Variants in EPN1 observed in about 807,000 individuals in gnomAD.
The protein encoded by EPN1 is epsin-1.
EPN1 carries 25 observed loss-of-function variants against 56.9 expected under a neutral mutation model. The observed-to-expected ratio is 0.44, with a 90% CI of 0.32 to 0.61. EPN1 has a LOEUF of 0.61. Among genes scored for constraint, EPN1 ranks in the 20% least tolerant of loss-of-function variants. EPN1 has a pLI of 0.05. For synonymous variants in EPN1, 411 were observed against 361.8 expected (o/e 1.14, Z -1.54); for missense variants, 785 against 823.7 (o/e 0.95, Z 0.58).
chr19:55,704,003 C>T lies in EPN1; in HGVS notation c.*8647C>T, dbSNP rs922026263. ...CTGGGCCAGCGCGCAGACTATCAAC[C>T]GAGGTATTCAGTCCCTCGGAAACCC... On this transcript the variant is annotated 3_prime_UTR_variant, in exon 11 of 11. Coordinates refer to ENST00000270460, the MANE Select transcript of EPN1 (RefSeq NM_001130072.2). 6.6e-6 allele frequency: 1 copy of T among 152,186 alleles called. No homozygotes were observed. The highest frequency in any genetic ancestry group is 2.4e-5 in the African/African-American group (1 of 41,438). 9.4% of individuals were successfully genotyped at this position (152,186 alleles called of 1,614,324 possible).
At chr19:55,681,673 T>G (rs1445437718) in intron 2 of EPN1, among the ~76,000 whole-genome samples, 2 of 152,272 alleles carry the variant, frequency 1.3e-5, no homozygotes, top group South Asian at 2.1e-4. Flanking sequence ...AAACTTTATT[T>G]CTGCATTGCA....
In EPN1 at chr19:55,691,926, C is replaced by T. The variant is rs193174793; in HGVS notation, c.935C>T (p.Ala312Val). ...PPAADPWGGPAPTPASGDPWR... is the reference protein window; with the variant it reads ...PPAADPWGGPVPTPASGDPWR... The stretch of plus-strand genomic sequence containing the variant: ...GCTGCTGATCCCTGGGGAGGTCCAG[C>T]CCCCACGCCGGCCTCTGGGGACCCC... Residue 312 changes from alanine to valine, a missense_variant, in exon 7 of 11, where the codon GCC becomes GTC. By Grantham distance (64) the Ala-to-Val change is moderately conservative. Around this residue, in one of 2 missense-constraint regions of EPN1, gnomAD observed 650 missense variants for 605.0 expected, o/e 1.07. Transcript: ENST00000270460. The surrounding 1 kb of genome is among the most constrained non-coding windows in gnomAD (Gnocchi z 5.6). The T allele has an allele frequency of 3.2e-6, 5 of 1,559,264 alleles. No individual in the cohort carries two copies. In the South Asian group the frequency reaches 3.5e-5, roughly 11 times the overall value.
intron 2 of EPN1, among the ~76,000 whole-genome samples, chr19:55,679,263 G>C (rs367962304): frequency 6.6e-6 from 1 of 152,270 alleles, no homozygotes; most frequent in Non-Finnish European, 1.5e-5. Flanking sequence ...TGTCGTGCCT[G>C]TGAGCAGGAC....
rs568982798 is a variant in EPN1 at position 55,682,947 on chromosome 19, G to A, written c.229-2449G>A. Among the ~76,000 whole-genome samples, 20 of 152,066 alleles carry A rather than the reference G, an allele frequency of 1.3e-4. No individual in the cohort carries two copies. In the South Asian group the frequency reaches 3.3e-3, roughly 25 times the overall value. On this transcript the variant is annotated intron_variant, in intron 2 of 10. Coordinates refer to ENST00000270460, the MANE Select transcript of EPN1 (RefSeq NM_001130072.2). ...AATTTTTGTATTTTTAGTAGAGATG[G>A]GGTTTCACCATATTGGCCAGGCTGG...
chr19:55,679,436 G>C (rs945639579), intron 2 of EPN1, among the ~76,000 whole-genome samples: 1 of 152,220 alleles, frequency 6.6e-6, no homozygotes, highest in African/African-American at 2.4e-5. Context: ...GCTCGTCCCT[G>C]AATCTCCCTC....
rs1424411081 is a variant in EPN1, at chr19:55,707,300, CCACT to C, written c.*11945_*11948del. On this transcript the variant is annotated 3_prime_UTR_variant, in exon 11 of 11. Transcript: ENST00000270460. Reference sequence around the variant, plus strand: ...AAGGCTGCAGTGAGCTATGATGGCACCACTGCCCTCCAGACTGAGCCAAAAAGCA... The same window carrying C: ...AAGGCTGCAGTGAGCTATGATGGCACGCCCTCCAGACTGAGCCAAAAAGCA... The C allele has an allele frequency of 6.6e-6, 1 of 152,198 alleles. No homozygotes were observed. The highest frequency in any genetic ancestry group is 1.5e-5 in the Non-Finnish European group (1 of 68,086). The allele number at this position is 152,198 out of a possible 1,614,324, so 9.4% of individuals were successfully genotyped here.
rs1233188648 is a variant in EPN1, at chr19:55,688,953, C to G, written c.562C>G (p.Leu188Val). ...GAGCAGCGGGGAGGAGGAGCTGCAG[C>G]TCCAGCTGGCCCTGGCCATGAGCAA... is the stretch of plus-strand genomic sequence containing the variant. Reference protein sequence around the residue: ...PQSSGEEELQLQLALAMSKEE... With the variant: ...PQSSGEEELQVQLALAMSKEE... Residue 188 changes from leucine (L) to valine (V), a missense_variant, in exon 4 of 11, where the codon CTC becomes GTC. By Grantham distance (32) the Leu-to-Val change is conservative (BLOSUM62 1). Coordinates refer to ENST00000270460, the MANE Select transcript of EPN1 (RefSeq NM_001130072.2). The G allele has an allele frequency of 1.2e-6, 2 of 1,600,442 alleles. No homozygotes were observed. The highest frequency in any genetic ancestry group is 1.7e-6 in the Non-Finnish European group (2 of 1,175,994).
At chr19:55,690,671 C>T (rs1986485197) in intron 6 of EPN1, among the ~76,000 whole-genome samples, 1 of 152,222 alleles carries the variant, frequency 6.6e-6, no homozygotes, top group African/African-American at 2.4e-5. Flanking sequence ...AGGACAAGCT[C>T]GTCGGGCTGG....
Position 55,694,930 on chromosome 19 carries a change from G to A in EPN1, c.1469G>A (p.Arg490Gln), listed in dbSNP as rs765609502. The change falls in exon 10 of 11, where the codon CGG becomes CAG. Residue 490 changes from arginine to glutamine, a missense_variant. By Grantham distance (43) the Arg-to-Gln change is conservative (BLOSUM62 1). Around this residue, in one of 2 missense-constraint regions of EPN1, gnomAD observed 650 missense variants for 605.0 expected, o/e 1.07. Coordinates refer to ENST00000270460, the MANE Select transcript of EPN1 (RefSeq NM_001130072.2). This position sits in a 1 kb window ranked among gnomAD's most constrained non-coding sequence, Gnocchi z 4.2. Reference sequence around the variant, plus strand: ...GTCGACCTGGACTCGCTGGTGAGCCGGCCGGGCCCCACGCCGCCTGGAGCC... The same window carrying A: ...GTCGACCTGGACTCGCTGGTGAGCCAGCCGGGCCCCACGCCGCCTGGAGCC... The part of the protein sequence containing the change: ...ALVDLDSLVS[R>Q]PGPTPPGAKA... 15 of 1,566,934 alleles carry A rather than the reference G, an allele frequency of 9.6e-6. No individual in the cohort carries two copies. The highest frequency in any genetic ancestry group is 2.4e-5 in the East Asian group (1 of 41,920).
At position 55,699,169 on chromosome 19, in the gene EPN1, T is replaced by G. The variant is rs1167345458; in HGVS notation, c.*3813T>G. On this transcript the variant is annotated 3_prime_UTR_variant, in exon 11 of 11. Transcript: ENST00000270460. ...GTGTGCTGCACGCATTAACTCGTCA[T>G]TTACATTAGGTATATCTCCTAATGC... 3.3e-5 allele frequency: 5 copies of G among 152,224 alleles called. No homozygotes were observed. The highest frequency in any genetic ancestry group is 3.3e-4 in the Admixed American group (5 of 15,276). 9.4% of individuals were successfully genotyped at this position (152,224 alleles called of 1,614,324 possible). A position where few individuals can be genotyped will look rare whatever the true frequency, so the allele number is the denominator to read the frequency against.
Position 55,694,641 on chromosome 19 carries a change from G to C in EPN1, c.1265-85G>C, listed in dbSNP as rs377238302. 6.9e-7 allele frequency: 1 copy of C among 1,442,494 alleles called. No homozygotes were observed. The highest frequency in any genetic ancestry group is 2.5e-5 in the Admixed American group (1 of 39,668). The allele number at this position is 1,442,494 out of a possible 1,614,324, so 89.4% of individuals were successfully genotyped here. The stretch of plus-strand genomic sequence containing the variant: ...CTCTGGGCACCGGGCTCTTTGAAGC[G>C]CCCCCTATGATGGCCTATACTGCTC... On this transcript the variant is annotated intron_variant, in intron 9 of 10. Coordinates refer to ENST00000270460, the MANE Select transcript of EPN1 (RefSeq NM_001130072.2). This position sits in a 1 kb window ranked among gnomAD's most constrained non-coding sequence, Gnocchi z 4.2.
In EPN1 at chr19:55,703,000, C is replaced by G. The variant is rs8104201; in HGVS notation, c.*7644C>G. The G allele has an allele frequency of 3.3e-5, 5 of 151,924 alleles. No homozygotes were observed. Among genetic ancestry groups the G allele is most frequent in the Admixed American group, 6.6e-5 (1 of 15,254 alleles). 9.4% of individuals were successfully genotyped at this position (151,924 alleles called of 1,614,324 possible). Reference sequence around the variant, plus strand: ...ATTGTTAGTAGAGACGGGGTTTCACCGTGTTAGCCAGGATGGTCTCAATCT... The same window carrying G: ...ATTGTTAGTAGAGACGGGGTTTCACGGTGTTAGCCAGGATGGTCTCAATCT... On this transcript the variant is annotated 3_prime_UTR_variant, in exon 11 of 11. Transcript: ENST00000270460.
At position 55,689,819 on chromosome 19, in the gene EPN1, C is replaced by T. The variant is rs752283913; in HGVS notation, c.679-48C>T. ...CTTCCAGGCTGAGGTGGCATCTGCC[C>T]GTGGCTCACGTTCTCATGTCTCCCT... On this transcript the variant is annotated intron_variant, in intron 5 of 10. Transcript: ENST00000270460. The surrounding 1 kb of genome is among the most constrained non-coding windows in gnomAD (Gnocchi z 5.7). 2.9e-5 allele frequency: 45 copies of T among 1,545,798 alleles called. No individual in the cohort carries two copies. Among genetic ancestry groups the T allele is most frequent in the East Asian group, 1.4e-4 (6 of 41,658 alleles).
At chr19:55,682,291 T>A (rs1487611537) in intron 2 of EPN1, among the ~76,000 whole-genome samples, 1 of 152,236 alleles carries the variant, frequency 6.6e-6, no homozygotes, top group African/African-American at 2.4e-5. Flanking sequence ...CAGCACCGTG[T>A]CTGATTTCTG....
At chr19:55,693,154 G>A (rs1048420094) in intron 9 of EPN1, 117 bp downstream of exon 9, 1 of 940,398 alleles carries the variant, frequency 1.1e-6, no homozygotes, top group South Asian at 1.6e-5. Context: ...ACTTAGGGAT[G>A]AAAAGTTCAG....
intron 2 of EPN1, among the ~76,000 whole-genome samples, chr19:55,679,544 A>G (rs1719969642): frequency 6.6e-6 from 1 of 152,136 alleles, no homozygotes; most frequent in Non-Finnish European, 1.5e-5. Context: ...GCATCTGCAG[A>G]AGGCCCGCTC....
chr19:55,692,620 T>C lies in EPN1; in HGVS notation c.1067-66T>C, dbSNP rs1235936289. The C allele has an allele frequency of 1.3e-5, 14 of 1,086,530 alleles. No individual in the cohort carries two copies. The East Asian group carries it at 3.6e-4, about 28-fold the overall frequency. The allele number at this position is 1,086,530 out of a possible 1,614,324, so 67.3% of individuals were successfully genotyped here. On this transcript the variant is annotated intron_variant, in intron 7 of 10. Coordinates refer to ENST00000270460, the MANE Select transcript of EPN1 (RefSeq NM_001130072.2). ...TGAACAGCCACAGATTTGGAGGCAA[T>C]GGTCCTCCCTAGCCATCTGGGCAGT...
chr19:55,686,175 C>T (rs1986155769), intron 3 of EPN1, among the ~76,000 whole-genome samples: 1 of 152,172 alleles, frequency 6.6e-6, no homozygotes, highest in African/African-American at 2.4e-5. Context: ...GTGACCAGCA[C>T]CGAAAACAAA....
Position 55,689,099 on chromosome 19 carries a change from C to T in EPN1, c.603+105C>T, listed in dbSNP as rs916601363. 4.9e-5 allele frequency: 69 copies of T among 1,409,596 alleles called. No homozygotes were observed. Among genetic ancestry groups the T allele is most frequent in the Non-Finnish European group, 6.3e-5 (67 of 1,060,270 alleles). 87.3% of individuals were successfully genotyped at this position (1,409,596 alleles called of 1,614,324 possible). On this transcript the variant is annotated intron_variant, in intron 4 of 10. Transcript: ENST00000270460. This position sits in a 1 kb window ranked among gnomAD's most constrained non-coding sequence, Gnocchi z 5.7. ...GGCCTGGCCCTCACTGTCGCTGCTC[C>T]ACATGCTGTCACTCGTCTCCTCCCC...
Sources: allele counts gnomAD v4.1 joint callset (sites outside exome capture counted in the v4.1 genomes callset), GRCh38; gene constraint gnomAD v4.1.1; regional missense constraint gnomAD v4.1.1; non-coding constraint Gnocchi (gnomAD v3.1); transcripts MANE v1.5; gene names NCBI Gene and HGNC (gene_info 2026-07-23, HGNC 2026-07-21).